DNAH7: variants seen among roughly 807,000 people sequenced by gnomAD.
DNAH7 encodes the protein axonemal beta dynein heavy chain 7.
Under a neutral mutation model 444.6 loss-of-function variants are expected in DNAH7, and 397 were observed. The observed-to-expected ratio is 0.89, with a 90% CI of 0.82 to 0.97. The LOEUF is 0.97. DNAH7 is among the 50% of genes least tolerant of loss of function. DNAH7 has a pLI of 0.00. For synonymous variants in DNAH7, 1,636 were observed against 1,624.4 expected, an observed-to-expected ratio of 1.01 and a Z score of -0.17; for missense variants, 4,902 against 4,800.8, an observed-to-expected ratio of 1.02 and a Z score of -0.62.
chr2:195,853,492 G>C lies in DNAH7; in HGVS notation c.8632C>G (p.Gln2878Glu). ...TCACCTCCAAGGCCTCCAATCAACTGTTCAGCTCGTTCTAGTTTTTTGCTG... is the reference window on the plus strand; with the variant it reads ...TCACCTCCAAGGCCTCCAATCAACTCTTCAGCTCGTTCTAGTTTTTTGCTG... ...LCSKKLERAE[Q>E]LIGGLGGEKT... is the part of the protein sequence containing the mutation. Residue 2878 changes from glutamine to glutamate, a missense_variant, in exon 46 of 65, where the codon CAG becomes GAG. By Grantham distance (29) the Gln-to-Glu change is conservative. Coordinates refer to ENST00000312428, the MANE Select transcript of DNAH7 (RefSeq NM_018897.3). 1.9e-6 allele frequency: 3 copies of C among 1,611,906 alleles called. No homozygotes were observed. The highest frequency in any genetic ancestry group is 2.5e-6 in the Non-Finnish European group (3 of 1,178,966).
At chr2:195,837,578 C>T (rs947694647) in intron 47 of DNAH7, among the ~76,000 whole-genome samples, 12 of 152,206 alleles carry the variant, frequency 7.9e-5, no homozygotes, top group Non-Finnish European at 2.9e-5. Context: ...GTAGCAATAA[C>T]TCAAAATAAG....
Position 195,857,652 on chromosome 2 carries a change from G to A in DNAH7, c.8139C>T (p.Ile2713=). ...GVKLVMEAIC[I]LKGIKADKIP... ...TTTTGTCAGCTTTGATTCCTTTCAAGATGCATATAGCTTCCATAACAAGCT... is the reference window on the plus strand; with the variant it reads ...TTTTGTCAGCTTTGATTCCTTTCAAAATGCATATAGCTTCCATAACAAGCT... Residue 2713 remains isoleucine (I), a synonymous_variant, in exon 44 of 65, where the codon ATC becomes ATT. Coordinates refer to ENST00000312428, the MANE Select transcript of DNAH7 (RefSeq NM_018897.3). 2 of 1,613,800 alleles carry A rather than the reference G, an allele frequency of 1.2e-6. No individual in the cohort carries two copies. The highest frequency in any genetic ancestry group is 2.7e-5 in the African/African-American group (2 of 75,012).
intron 26 of DNAH7, 55 bp from the exon 27 acceptor site, chr2:195,906,841 G>C (rs1010271525): frequency 6.2e-7 from 1 of 1,609,804 alleles, no homozygotes. Flanking sequence ...AACATGAGCT[G>C]TGCCATTCAC....
At chr2:195,939,796 T>C (rs1354559218) in intron 19 of DNAH7, among the ~76,000 whole-genome samples, 2 of 152,146 alleles carry the variant, frequency 1.3e-5, no homozygotes, top group East Asian at 3.9e-4. Context: ...ATTGAGTATA[T>C]AGAGAGCTTT....
At chr2:195,951,086 A>G (rs1690221913) in intron 19 of DNAH7, among the ~76,000 whole-genome samples, 1 of 152,052 alleles carries the variant, frequency 6.6e-6, no homozygotes, top group Non-Finnish European at 1.5e-5. Context: ...TAGTGCTATA[A>G]AGTTCCCTCT....
intron 19 of DNAH7, among the ~76,000 whole-genome samples, 198 bp downstream of exon 19, chr2:195,957,063 A>G (rs1690715435): frequency 6.6e-6 from 1 of 152,220 alleles, no homozygotes; most frequent in Non-Finnish European, 1.5e-5. Context: ...GACCTCAAGG[A>G]GTAATCAGGA....
intron 22 of DNAH7, among the ~76,000 whole-genome samples, chr2:195,925,888 C>T (rs1311095950): frequency 1.3e-5 from 2 of 151,550 alleles, no homozygotes; most frequent in Admixed American, 1.3e-4. Context: ...TTAACAATTA[C>T]AATCTAATTA....
chr2:195,809,910 A>G (rs757737996), intron 51 of DNAH7, 39 bp from the exon 52 acceptor site: 10 of 1,440,320 alleles, frequency 6.9e-6, no homozygotes, highest in Middle Eastern at 1.9e-4. Context: ...AAATAAAAAT[A>G]TACTTTAAAG....
At chr2:196,017,655 T>C (rs1245523368) in intron 9 of DNAH7, among the ~76,000 whole-genome samples, 2 of 152,168 alleles carry the variant, frequency 1.3e-5, no homozygotes, top group African/African-American at 4.8e-5. Context: ...TAGATTTCTA[T>C]AGATTGAAGA....
chr2:195,936,455 A>G (rs1689058113), intron 20 of DNAH7, 144 bp downstream of exon 20: 1 of 483,050 alleles, frequency 2.1e-6, no homozygotes, highest in Non-Finnish European at 3.4e-6. Flanking sequence ...ATAATTATCC[A>G]AAGTTGATTA....
chr2:195,817,655 T>C (rs1697286344), intron 50 of DNAH7, 41 bp downstream of exon 50: 4 of 1,551,638 alleles, frequency 2.6e-6, no homozygotes, highest in Non-Finnish European at 3.5e-6. Context: ...TCTAGTGATC[T>C]AGAAACAAAT....
intron 15 of DNAH7, among the ~76,000 whole-genome samples, chr2:195,972,715 G>A (rs1028194600): frequency 9.2e-5 from 14 of 152,280 alleles, no homozygotes; most frequent in Middle Eastern, 3.4e-3. Flanking sequence ...GGAGTGCTGT[G>A]GGTTCACAGA....
chr2:195,804,952 A>C (rs1696638699), intron 54 of DNAH7, among the ~76,000 whole-genome samples: 1 of 152,188 alleles, frequency 6.6e-6, no homozygotes, highest in Non-Finnish European at 1.5e-5. Context: ...AAGAAGTATA[A>C]AACCATAAAT....
Position 196,044,721 on chromosome 2 carries a change from T to C in DNAH7, c.398+2631A>G, listed in dbSNP as rs576965269. On this transcript the variant is annotated intron_variant, in intron 5 of 64. Coordinates refer to ENST00000312428, the MANE Select transcript of DNAH7 (RefSeq NM_018897.3). ...CATTAATTCAAGAAAAAGGATGAAA[T>C]TGAGACCTTTATAGACATGAATATC... Among the ~76,000 whole-genome samples the C allele has an allele frequency of 1.5e-3, 226 of 152,246 alleles. 2 individuals are homozygous for C. Among genetic ancestry groups the C allele is most frequent in the Non-Finnish European group, 1.1e-3 (77 of 68,014 alleles).
intron 11 of DNAH7, among the ~76,000 whole-genome samples, chr2:196,001,186 A>T (rs7557335): frequency 6.6e-6 from 1 of 152,068 alleles, no homozygotes; most frequent in Non-Finnish European, 1.5e-5. Context: ...CTCCAATTCC[A>T]AGGCCCTGCT....
Position 195,988,031 on chromosome 2 carries a change from T to A in DNAH7, c.1552A>T (p.Ser518Cys), listed in dbSNP as rs753118662. Residue 518 changes from serine (S) to cysteine (C), a missense_variant, in exon 13 of 65, where the codon AGT (serine) becomes TGT (cysteine). Coordinates refer to ENST00000312428, the MANE Select transcript of DNAH7 (RefSeq NM_018897.3). ...DVDNFLAENH[S>C]YEKIIDEICK... ...ATTTCATCTATTATTTTTTCATAAC[T>A]ATGATTTTCTGCGAGGAAGTTATCA... The A allele has an allele frequency of 1.2e-6, 2 of 1,613,390 alleles. No homozygotes were observed. The highest frequency in any genetic ancestry group is 1.7e-6 in the Non-Finnish European group (2 of 1,179,638).
chr2:195,868,598 T>C (rs1298708230), intron 40 of DNAH7, among the ~76,000 whole-genome samples: 1 of 150,524 alleles, frequency 6.6e-6, no homozygotes, highest in Non-Finnish European at 1.5e-5. Context: ...TTGTGGATAC[T>C]AGATACTTAA....
rs377157526 is a variant in DNAH7, at chr2:196,059,760, T to C, written c.16-1644A>G. On this transcript the variant is annotated intron_variant, in intron 1 of 64. Transcript: ENST00000312428. ...AGGATCCCAGCAGGTAGTTTTCTCC[T>C]CCTAGCCCAGACCTGCATCTCCTCA... Among the ~76,000 whole-genome samples, 16 of 152,268 alleles carry C rather than the reference T, an allele frequency of 1.1e-4. No individual in the cohort carries two copies. The South Asian group carries it at 1.4e-3, about 14-fold the overall frequency.
chr2:195,872,839 A>G (rs1338438433), intron 39 of DNAH7, among the ~76,000 whole-genome samples: 1 of 152,144 alleles, frequency 6.6e-6, no homozygotes, highest in Non-Finnish European at 1.5e-5. Flanking sequence ...TCAACTGCAT[A>G]TAAATATAAT....
Sources: gnomAD v4.1 joint callset for allele counts (sites outside exome capture counted in the v4.1 genomes callset) on GRCh38, gnomAD v4.1.1 for gene constraint, MANE v1.5 for transcripts, NCBI Gene and HGNC (gene_info 2026-07-23, HGNC 2026-07-21) for gene names.